ANO3: variants seen among roughly 807,000 people sequenced by gnomAD.
The protein encoded by ANO3 is anoctamin-3.
In ANO3, 99 loss-of-function variants were observed where a neutral mutation model predicts 144.8. That is an observed-to-expected ratio of 0.68 (90% confidence interval 0.58 to 0.81). The LOEUF is 0.81. Ranked by LOEUF, ANO3 falls within the 30% of genes least tolerant of loss-of-function variation. ANO3 has a pLI of 0.00. For missense variants in ANO3, 905 were observed against 1,202.2 expected (o/e 0.75, Z 3.66); for synonymous variants, 414 against 392.6 (o/e 1.05, Z -0.64).
At chr11:26,332,031 G>A, upstream of ANO3, 1 of 1,223,758 alleles carries the variant, frequency 8.2e-7, no homozygotes, top group East Asian at 2.7e-5. Flanking sequence ...GGACGCGCGG[G>A]GGATGCGGGG....
intron 4 of ANO3, 24 bp from the exon 5 acceptor site, chr11:26,508,080 T>A: frequency 6.4e-7 from 1 of 1,568,590 alleles, no homozygotes; most frequent in Non-Finnish European, 8.6e-7. Flanking sequence ...CCCACACCAT[T>A]AACAATCATT....
chr11:26,492,919 C>A (rs1263235158), intron 4 of ANO3, among the ~76,000 whole-genome samples: 1 of 152,064 alleles, frequency 6.6e-6, no homozygotes, highest in Non-Finnish European at 1.5e-5. Flanking sequence ...TACCTACCAG[C>A]AAAAAATAAG....
chr11:26,479,121 T>C (rs977948193), intron 4 of ANO3, among the ~76,000 whole-genome samples: 4 of 152,130 alleles, frequency 2.6e-5, no homozygotes, highest in Admixed American at 2.6e-4. Context: ...ACAGCTCCAT[T>C]TGGATTTTCA....
intron 17 of ANO3, among the ~76,000 whole-genome samples, chr11:26,624,233 T>C (rs971006089): frequency 2.6e-5 from 4 of 152,254 alleles, no homozygotes; most frequent in Middle Eastern, 3.2e-3. Context: ...CAAGTGTATC[T>C]ACACACACAT....
chr11:26,577,466 G>T (rs1851016331), intron 14 of ANO3, among the ~76,000 whole-genome samples: 2 of 151,912 alleles, frequency 1.3e-5, no homozygotes, highest in Admixed American at 6.6e-5. Flanking sequence ...GGGAGGCTGA[G>T]GCAGGAGAAT....
At chr11:26,371,575 C>G (rs1489948592) in intron 1 of ANO3, among the ~76,000 whole-genome samples, 1 of 152,206 alleles carries the variant, frequency 6.6e-6, no homozygotes, top group Non-Finnish European at 1.5e-5. Context: ...CGCAGGCACT[C>G]AACGCCAGCC....
At chr11:26,234,607 C>A (rs1852474923) in intron 1 of ANO3, among the ~76,000 whole-genome samples, 1 of 152,266 alleles carries the variant, frequency 6.6e-6, no homozygotes, top group African/African-American at 2.4e-5. Flanking sequence ...ATGTATTCAA[C>A]TTATATTGTC....
At chr11:26,554,083 A>G (rs1273091690) in intron 13 of ANO3, among the ~76,000 whole-genome samples, 6 of 152,070 alleles carry the variant, frequency 3.9e-5, no homozygotes, top group Non-Finnish European at 8.8e-5. Flanking sequence ...CGCCCTTTCA[A>G]TCCCTGCCTC....
chr11:26,402,481 AT>A (rs963471643), intron 1 of ANO3, among the ~76,000 whole-genome samples: 4 of 151,136 alleles, frequency 2.6e-5, no homozygotes, highest in East Asian at 3.9e-4. Flanking sequence ...CACACTTGAA[AT>A]TTTTTTTTCT....
intron 3 of ANO3, among the ~76,000 whole-genome samples, chr11:26,461,078 CAGAGAG>C (rs1241445618): frequency 6.6e-5 from 10 of 151,238 alleles, no homozygotes; most frequent in African/African-American, 2.5e-4. Flanking sequence ...GATGGAGAGA[CAGAGAG>C]AAAGACAGGG....
At chr11:26,490,529 A>T (rs1419431084) in intron 4 of ANO3, among the ~76,000 whole-genome samples, 1 of 152,234 alleles carries the variant, frequency 6.6e-6, no homozygotes, top group African/African-American at 2.4e-5. Flanking sequence ...TTATGGCTGC[A>T]TGGTCCTGAG....
At chr11:26,365,282 C>T (rs890451041) in intron 1 of ANO3, among the ~76,000 whole-genome samples, 1 of 152,192 alleles carries the variant, frequency 6.6e-6, no homozygotes, top group South Asian at 2.1e-4. Flanking sequence ...GCAAAGACTG[C>T]TCTCATAGGT....
intron 1 of ANO3, among the ~76,000 whole-genome samples, chr11:26,397,706 C>T (rs923256620): frequency 1.4e-4 from 21 of 152,062 alleles, no homozygotes; most frequent in African/African-American, 4.6e-4. Flanking sequence ...TGGGAACATT[C>T]AGTATCCTCC....
intron 4 of ANO3, among the ~76,000 whole-genome samples, chr11:26,507,361 G>A (rs1207542981): frequency 6.6e-6 from 1 of 152,182 alleles, no homozygotes; most frequent in Admixed American, 6.5e-5. Context: ...TGAAAATTGG[G>A]CAGAGACCAT....
chr11:26,661,147 C>T lies in ANO3; in HGVS notation c.*703C>T, dbSNP rs1314775038. ...CATTGGCTACTTCAAGTCTCTTTTACCCCTGGCAGAGCCAGTTGCAGTGCA... is the reference window on the plus strand; with the variant it reads ...CATTGGCTACTTCAAGTCTCTTTTATCCCTGGCAGAGCCAGTTGCAGTGCA... On this transcript the variant is annotated 3_prime_UTR_variant, in exon 27 of 27. Transcript: ENST00000256737. 3.3e-5 allele frequency: 5 copies of T among 152,516 alleles called. No individual in the cohort carries two copies. The highest frequency in any genetic ancestry group is 1.2e-4 in the African/African-American group (5 of 41,442). 9.4% of individuals were successfully genotyped at this position (152,516 alleles called of 1,614,324 possible).
At chr11:26,570,131 CA>C (rs1377611088) in intron 14 of ANO3, among the ~76,000 whole-genome samples, 1 of 152,036 alleles carries the variant, frequency 6.6e-6, no homozygotes, top group African/African-American at 2.4e-5. Context: ...TATATATTAA[CA>C]TTTTTTTTGT....
intron 1 of ANO3, among the ~76,000 whole-genome samples, chr11:26,383,292 T>G (rs141053400): frequency 0.01 from 1,588 of 152,262 alleles, 17 homozygotes; most frequent in Non-Finnish European, 0.016. Flanking sequence ...GAAGCTTAAT[T>G]TTTTTAACCA....
At chr11:26,450,659 A>G (rs937687944) in intron 3 of ANO3, among the ~76,000 whole-genome samples, 1 of 152,210 alleles carries the variant, frequency 6.6e-6, no homozygotes, top group Non-Finnish European at 1.5e-5. Context: ...TTCCGATTTG[A>G]GAAATGGAGA....
At chr11:26,198,304 A>G (rs1851628400) in intron 1 of ANO3, among the ~76,000 whole-genome samples, 1 of 152,110 alleles carries the variant, frequency 6.6e-6, no homozygotes, top group Non-Finnish European at 1.5e-5. Context: ...CCTGTTTCTA[A>G]GTGGAAATTT....
Sources: gnomAD v4.1 joint callset for allele counts (sites outside exome capture counted in the v4.1 genomes callset) on GRCh38, gnomAD v4.1.1 for gene constraint, MANE v1.5 for transcripts, NCBI Gene and HGNC (gene_info 2026-07-23, HGNC 2026-07-21) for gene names.